TRAF3IP3: variants seen among roughly 807,000 people sequenced by gnomAD.
TRAF3IP3 encodes the protein TRAF3-interacting JNK-activating modulator.
TRAF3IP3 carries 64 observed loss-of-function variants against 86.5 expected under a neutral mutation model. The ratio of observed to expected loss-of-function variants is 0.74; its 90% confidence interval spans 0.60 to 0.91. The LOEUF (loss-of-function observed/expected upper bound fraction) is 0.91. Ranked by LOEUF, TRAF3IP3 falls within the 40% of genes least tolerant of loss-of-function variation. The pLI, the probability that TRAF3IP3 is intolerant of heterozygous loss-of-function variation, is 0.00. For missense variants in TRAF3IP3, 579 were observed against 642.9 expected (o/e 0.90, Z 1.07); for synonymous variants, 220 against 243.9 (o/e 0.90, Z 0.91).
chr1:209,770,861 G>A (rs1343662751), intron 8 of TRAF3IP3, among the ~76,000 whole-genome samples: 3 of 146,684 alleles, frequency 2.0e-5, no homozygotes, highest in Non-Finnish European at 4.5e-5. Context: ...GCATGTGAAA[G>A]TGTGTGTGTG....
In TRAF3IP3 at chr1:209,780,511, G is replaced by C; in HGVS notation, c.1354G>C (p.Glu452Gln). The C allele has an allele frequency of 6.2e-7, 1 of 1,601,464 alleles. No individual in the cohort carries two copies. The highest frequency in any genetic ancestry group is 8.5e-7 in the Non-Finnish European group (1 of 1,173,532). ...PVWSPKSFPN[E>Q]VEPEGTGKEK... is the part of the protein sequence containing the mutation. ...GTGGAGTCCAAAGTCCTTCCCTAACGAAGTGGAGCCTGAGGGTACAGGGAA... is the reference window on the plus strand; with the variant it reads ...GTGGAGTCCAAAGTCCTTCCCTAACCAAGTGGAGCCTGAGGGTACAGGGAA... The change falls in exon 15 of 17, where the codon GAA (glutamate) becomes CAA (glutamine). Residue 452 changes from glutamate to glutamine, a missense_variant. Glu to Gln is a conservative substitution (Grantham distance 29). Transcript: ENST00000367025.
intron 8 of TRAF3IP3, among the ~76,000 whole-genome samples, chr1:209,766,575 G>A (rs995444060): frequency 6.6e-6 from 1 of 152,222 alleles, no homozygotes; most frequent in African/African-American, 2.4e-5. Context: ...TTAAAGGAAG[G>A]AAACCTGGCC....
chr1:209,762,982 C>T, intron 5 of TRAF3IP3, 86 bp from the exon 6 acceptor site: 1 of 1,591,816 alleles, frequency 6.3e-7, no homozygotes, highest in Non-Finnish European at 8.6e-7. Flanking sequence ...CCCCACCCTA[C>T]TGGCTCTTCA....
intron 8 of TRAF3IP3, chr1:209,768,603 T>A: frequency 1.0e-6 from 1 of 985,740 alleles, no homozygotes; most frequent in Non-Finnish European, 1.2e-6. Context: ...GGAGAGCAGA[T>A]CAGAGGCAGG....
At chr1:209,767,124 T>A (rs113838699) in intron 8 of TRAF3IP3, among the ~76,000 whole-genome samples, 15 of 152,298 alleles carry the variant, frequency 9.8e-5, no homozygotes, top group African/African-American at 2.9e-4. Context: ...GGTCTTAAAC[T>A]TTTTCTGTTG....
rs559770598 is a variant in TRAF3IP3 at position 209,756,271 on chromosome 1, C to T, written c.-198C>T. On this transcript the variant is annotated 5_prime_UTR_variant, in exon 1 of 17. Coordinates refer to ENST00000367025, the MANE Select transcript of TRAF3IP3 (RefSeq NM_025228.4). The stretch of plus-strand genomic sequence containing the variant: ...CCAAGATCTGCCCAGGACTGGAATG[C>T]TTTCCCGAGTGGCTTGAGTTGGAGC... 331 of 152,478 alleles carry T rather than the reference C, an allele frequency of 2.2e-3. 1 individual carries two copies. Among genetic ancestry groups the T allele is most frequent in the African/African-American group, 7.5e-3 (312 of 41,594 alleles). The allele number at this position is 152,478 out of a possible 1,614,324, so 9.4% of individuals were successfully genotyped here. A position where few individuals can be genotyped will look rare whatever the true frequency, so the allele number is the denominator to read the frequency against.
Position 209,762,558 on chromosome 1 carries a change from CT to C in TRAF3IP3, c.390del (p.Ser132GlnfsTer80). The C allele has an allele frequency of 6.7e-7, 1 of 1,484,056 alleles. No homozygotes were observed. Among genetic ancestry groups the C allele is most frequent in the Non-Finnish European group, 8.9e-7 (1 of 1,117,574 alleles). 91.9% of individuals were successfully genotyped at this position (1,484,056 alleles called of 1,614,324 possible). A position where few individuals can be genotyped will look rare whatever the true frequency, so the allele number is the denominator to read the frequency against. On this transcript the variant is annotated frameshift_variant, in exon 4 of 17. Transcript: ENST00000367025. LOFTEE classifies it high-confidence loss of function. Reference sequence around the variant, plus strand: ...GAAGTCTTTCCAGCCCAGCATCCTCCTCCCTCAGGCATCTGCAGGGATCTGT... The same window carrying C: ...GAAGTCTTTCCAGCCCAGCATCCTCCCCCTCAGGCATCTGCAGGGATCTGT... Reference protein sequence around the residue: ...SSEVFPAQHPPPSGICRDLSD... With the variant: ...SSEVFPAQHPXPSGICRDLSD...
At chr1:209,771,456 T>A (rs62644009) in intron 8 of TRAF3IP3, among the ~76,000 whole-genome samples, 50,818 of 131,234 alleles carry the variant, frequency 0.39, 10,033 homozygotes, top group Non-Finnish European at 0.43. Context: ...TGTGTGTGCA[T>A]GTGAAGGTGT....
Position 209,779,263 on chromosome 1 carries a change from C to CT in TRAF3IP3, c.1253-47dup, listed in dbSNP as rs1482066567. On this transcript the variant is annotated intron_variant, in intron 13 of 16. Coordinates refer to ENST00000367025, the MANE Select transcript of TRAF3IP3 (RefSeq NM_025228.4). Reference sequence around the variant, plus strand: ...TCTAAGCAAAGTTCTGAAAAGAAAACTTTTTGTAGTAAATATGCTAGCATA... The same window carrying CT: ...TCTAAGCAAAGTTCTGAAAAGAAAACTTTTTTGTAGTAAATATGCTAGCATA... The CT allele has an allele frequency of 5.9e-6, 9 of 1,535,428 alleles. No individual in the cohort carries two copies. In the Admixed American group the frequency reaches 1.4e-4, roughly 24 times the overall value.
At position 209,779,644 on chromosome 1, in the gene TRAF3IP3, T is replaced by C. The variant is rs529378466; in HGVS notation, c.1312+270T>C. On this transcript the variant is annotated intron_variant, in intron 14 of 16. Transcript: ENST00000367025. ...TGTGTTGAACATTTCAATAAATTTA[T>C]TTTGAACTCAGGATTTCATGTCAAT... is the stretch of plus-strand genomic sequence containing the variant. 5.0e-6 allele frequency: 3 copies of C among 605,610 alleles called. No individual in the cohort carries two copies. In the South Asian group the frequency reaches 6.0e-5, roughly 12 times the overall value. The allele number at this position is 605,610 out of a possible 1,614,324, so 37.5% of individuals were successfully genotyped here.
At chr1:209,769,083 G>C (rs2077413390) in intron 8 of TRAF3IP3, among the ~76,000 whole-genome samples, 1 of 152,220 alleles carries the variant, frequency 6.6e-6, no homozygotes, top group African/African-American at 2.4e-5. Context: ...TATGGAATGG[G>C]GAGAGAGGAG....
chr1:209,777,581 T>TCTC, intron 12 of TRAF3IP3, 94 bp downstream of exon 12: 1 of 1,334,648 alleles, frequency 7.5e-7, no homozygotes, highest in Non-Finnish European at 1.0e-6. Context: ...CTTCAGCCTT[T>TCTC]TATTTGTTTG....
At position 209,763,601 on chromosome 1, in the gene TRAF3IP3, A is replaced by C. The variant is rs867508902; in HGVS notation, c.702+14A>C. 7 of 1,589,744 alleles carry C rather than the reference A, an allele frequency of 4.4e-6. No individual in the cohort carries two copies. In the African/African-American group the frequency reaches 9.4e-5, roughly 21 times the overall value. ...AGCTCTTGGAAGGTAAGGGAATGAA[A>C]TTCTTTTTGAACAAAGCTTGGGCTT... On this transcript the variant is annotated intron_variant, in intron 8 of 16. Coordinates refer to ENST00000367025, the MANE Select transcript of TRAF3IP3 (RefSeq NM_025228.4).
rs1211282171 is a variant in TRAF3IP3, at chr1:209,777,011, G to C, written c.1054-341G>C. On this transcript the variant is annotated intron_variant, in intron 11 of 16. Transcript: ENST00000367025. ...GAAGGCTAAGATGGGAGGATTGCTTGAGCCCAAGAGGTCGAGGCTGCAATG... is the reference window on the plus strand; with the variant it reads ...GAAGGCTAAGATGGGAGGATTGCTTCAGCCCAAGAGGTCGAGGCTGCAATG... 2 of 162,892 alleles carry C rather than the reference G, an allele frequency of 1.2e-5. 1 individual carries two copies. Among genetic ancestry groups the C allele is most frequent in the Admixed American group, 1.3e-4 (2 of 15,998 alleles). 10.1% of individuals were successfully genotyped at this position (162,892 alleles called of 1,614,324 possible). A position where few individuals can be genotyped will look rare whatever the true frequency, so the allele number is the denominator to read the frequency against.
rs550828555 is a variant in TRAF3IP3 at position 209,780,475 on chromosome 1, G to A, written c.1318G>A (p.Ala440Thr). The A allele has an allele frequency of 1.3e-5, 20 of 1,580,914 alleles. No individual in the cohort carries two copies. In the South Asian group the frequency reaches 1.8e-4, roughly 14 times the overall value. The change falls in exon 15 of 17, where the codon GCT (alanine) becomes ACT (threonine). Residue 440 changes from alanine to threonine, a missense_variant. Ala to Thr is a moderately conservative substitution (Grantham distance 58). Coordinates refer to ENST00000367025, the MANE Select transcript of TRAF3IP3 (RefSeq NM_025228.4). ...GAATCTGGCTGCTTTTTTAGATCAGGCTTTGCCCGTGTGGAGTCCAAAGTC... is the reference window on the plus strand; with the variant it reads ...GAATCTGGCTGCTTTTTTAGATCAGACTTTGCCCGTGTGGAGTCCAAAGTC... ...QEKLLTKKDQ[A>T]LPVWSPKSFP...
intron 1 of TRAF3IP3, among the ~76,000 whole-genome samples, chr1:209,757,133 G>A (rs2077167828): frequency 6.6e-6 from 1 of 152,228 alleles, no homozygotes; most frequent in African/African-American, 2.4e-5. Flanking sequence ...AATCCTAGCA[G>A]GTGTGGTAGC....
At position 209,759,125 on chromosome 1, in the gene TRAF3IP3, A is replaced by T. The variant is rs1479274823; in HGVS notation, c.-68A>T. 1.3e-5 allele frequency: 2 copies of T among 152,172 alleles called. No individual in the cohort carries two copies. The highest frequency in any genetic ancestry group is 4.8e-5 in the African/African-American group (2 of 41,414). The allele number at this position is 152,172 out of a possible 1,614,324, so 9.4% of individuals were successfully genotyped here. A position where few individuals can be genotyped will look rare whatever the true frequency, so the allele number is the denominator to read the frequency against. On this transcript the variant is annotated 5_prime_UTR_variant, in exon 2 of 17. Coordinates refer to ENST00000367025, the MANE Select transcript of TRAF3IP3 (RefSeq NM_025228.4). ...GAAAGCAGACTTGGCACCAACATTA[A>T]CCCTGACAGGTTGGTAATCCTAAAG...
intron 13 of TRAF3IP3, chr1:209,779,036 T>C: frequency 4.1e-6 from 2 of 485,690 alleles, no homozygotes; most frequent in Middle Eastern, 5.7e-4. Context: ...TCTGTGTCCA[T>C]ATTTCCCCTT....
Position 209,760,438 on chromosome 1 carries a change from A to T in TRAF3IP3, c.345+54A>T, listed in dbSNP as rs1296445083. 13 of 1,443,278 alleles carry T rather than the reference A, an allele frequency of 9.0e-6. No individual in the cohort carries two copies. The East Asian group carries it at 3.0e-4, about 33-fold the overall frequency. 89.4% of individuals were successfully genotyped at this position (1,443,278 alleles called of 1,614,324 possible). On this transcript the variant is annotated intron_variant, in intron 3 of 16. Coordinates refer to ENST00000367025, the MANE Select transcript of TRAF3IP3 (RefSeq NM_025228.4). Reference sequence around the variant, plus strand: ...TGTGCTCTGGGACCCTCTCTGGACAAGGAGGGTGGGTGGGCTCAAGGTCAC... The same window carrying T: ...TGTGCTCTGGGACCCTCTCTGGACATGGAGGGTGGGTGGGCTCAAGGTCAC...
Sources: allele counts gnomAD v4.1 joint callset (sites outside exome capture counted in the v4.1 genomes callset), GRCh38; gene constraint gnomAD v4.1.1; transcripts MANE v1.5; gene names NCBI Gene and HGNC (gene_info 2026-07-23, HGNC 2026-07-21).